The following GBE1 variants were observed in gnomAD, a reference collection of about 807,000 sequenced individuals.
GBE1 encodes the protein 1,4-alpha-glucan-branching enzyme.
A neutral mutation model predicts 88.8 loss-of-function variants in GBE1; 70 were observed. That is an observed-to-expected ratio of 0.79 (90% CI 0.65 to 0.96). GBE1 has a LOEUF of 0.96. Among genes scored for constraint, GBE1 ranks in the 40% least tolerant of loss-of-function variants. The pLI is 0.00. For synonymous variants in GBE1, 284 were observed against 300.1 expected (o/e 0.95, Z 0.56); for missense variants, 872 against 871.0 (o/e 1.00, Z -0.01).
intron 12 of GBE1, among the ~76,000 whole-genome samples, chr3:81,569,602 T>C (rs202224177): frequency 2.6e-3 from 398 of 152,282 alleles, no homozygotes; most frequent in Non-Finnish European, 4.6e-3. Flanking sequence ...ACCTGGGGAA[T>C]GTGCTTGTTA....
At chr3:81,569,497 T>C (rs952608777) in intron 12 of GBE1, among the ~76,000 whole-genome samples, 1 of 152,192 alleles carries the variant, frequency 6.6e-6, no homozygotes, top group Non-Finnish European at 1.5e-5. Context: ...CCTTGCCATT[T>C]AAGAGCTTGA....
At chr3:81,498,955 A>G (rs1189205773) in intron 15 of GBE1, among the ~76,000 whole-genome samples, 155 bp downstream of exon 15, 5 of 152,142 alleles carry the variant, frequency 3.3e-5, no homozygotes, top group African/African-American at 1.2e-4. Context: ...TACACACATT[A>G]CATCTGGCCA....
chr3:81,698,841 T>G (rs914932513), intron 2 of GBE1, among the ~76,000 whole-genome samples: 1 of 152,198 alleles, frequency 6.6e-6, no homozygotes, highest in Non-Finnish European at 1.5e-5. Context: ...AAACAGAGAT[T>G]GGTTAAGTAA....
chr3:81,703,515 A>C (rs900635652), intron 2 of GBE1, among the ~76,000 whole-genome samples: 1 of 152,034 alleles, frequency 6.6e-6, no homozygotes, highest in Admixed American at 6.6e-5. Context: ...TGCAACTTAG[A>C]AACTGAATTT....
chr3:81,710,126 C>T (rs1473184946), intron 1 of GBE1, among the ~76,000 whole-genome samples: 1 of 151,218 alleles, frequency 6.6e-6, no homozygotes, highest in East Asian at 2.0e-4. Context: ...GGACATCACA[C>T]ATCATTAATC....
intron 6 of GBE1, among the ~76,000 whole-genome samples, chr3:81,645,690 C>T (rs1704752932): frequency 6.6e-6 from 1 of 152,170 alleles, no homozygotes; most frequent in Non-Finnish European, 1.5e-5. Context: ...AACTCTTAGT[C>T]GTGTTTTAGA....
At chr3:81,751,331 G>A (rs1446538233) in intron 1 of GBE1, among the ~76,000 whole-genome samples, 2 of 152,148 alleles carry the variant, frequency 1.3e-5, no homozygotes, top group African/African-American at 4.8e-5. Flanking sequence ...TTCCTCTTTG[G>A]AGAAAGGAAA....
chr3:81,680,570 A>ATCC (rs1271084146), intron 2 of GBE1, among the ~76,000 whole-genome samples: 1 of 152,006 alleles, frequency 6.6e-6, no homozygotes, highest in Non-Finnish European at 1.5e-5. Flanking sequence ...AAAAATAAAC[A>ATCC]TTATTTAGGA....
intron 14 of GBE1, among the ~76,000 whole-genome samples, chr3:81,527,551 G>A (rs1702958955): frequency 6.6e-6 from 1 of 152,102 alleles, no homozygotes; most frequent in Non-Finnish European, 1.5e-5. Context: ...CAACAAATGG[G>A]CGAAGGATAT....
In GBE1 at chr3:81,536,868, C is replaced by G. The variant is rs370834417; in HGVS notation, c.1803+43G>C. ...ATTGGTTGCCATTCTAGGCATGTAC[C>G]TCATTGGTGACTAAAACACAGCATC... On this transcript the variant is annotated intron_variant, in intron 13 of 15. Transcript: ENST00000429644. 875 of 1,466,384 alleles carry G rather than the reference C, an allele frequency of 6.0e-4. 5 individuals are homozygous for G. The highest frequency in any genetic ancestry group is 4.4e-3 in the South Asian group (333 of 75,346). The allele number at this position is 1,466,384 out of a possible 1,614,324, so 90.8% of individuals were successfully genotyped here. A position where few individuals can be genotyped will look rare whatever the true frequency, so the allele number is the denominator to read the frequency against.
chr3:81,543,608 T>C (rs1327688291), intron 12 of GBE1, among the ~76,000 whole-genome samples: 1 of 152,000 alleles, frequency 6.6e-6, no homozygotes, highest in Non-Finnish European at 1.5e-5. Context: ...TTAAAACAAG[T>C]TAAGAATGTC....
At chr3:81,659,396 C>A (rs1704991170) in intron 3 of GBE1, among the ~76,000 whole-genome samples, 2 of 150,556 alleles carry the variant, frequency 1.3e-5, no homozygotes, top group African/African-American at 4.9e-5. Flanking sequence ...AGTGCAGTGG[C>A]GTGATCTCGC....
intron 1 of GBE1, among the ~76,000 whole-genome samples, chr3:81,719,530 T>C (rs139124394): frequency 9.2e-5 from 14 of 152,314 alleles, no homozygotes; most frequent in African/African-American, 3.1e-4. Flanking sequence ...TTTTATTTTA[T>C]ACAGTCAACA....
rs557645722 is a variant in GBE1, at chr3:81,705,218, T to A, written c.313+226A>T. Among the ~76,000 whole-genome samples, 5 of 152,222 alleles carry A rather than the reference T, an allele frequency of 3.3e-5. No individual in the cohort carries two copies. The South Asian group carries it at 1.0e-3, about 32-fold the overall frequency. Reference sequence around the variant, plus strand: ...CATAAACCTTGTTATTTCTAGTACATGATTTTACAGAACATAAAGTCTTTC... The same window carrying A: ...CATAAACCTTGTTATTTCTAGTACAAGATTTTACAGAACATAAAGTCTTTC... On this transcript the variant is annotated intron_variant, in intron 2 of 15. Coordinates refer to ENST00000429644, the MANE Select transcript of GBE1 (RefSeq NM_000158.4).
intron 3 of GBE1, among the ~76,000 whole-genome samples, chr3:81,670,442 T>C (rs1307307982): frequency 6.6e-6 from 1 of 152,142 alleles, no homozygotes; most frequent in African/African-American, 2.4e-5. Flanking sequence ...CAGCATCCCC[T>C]CCCACATCAA....
intron 7 of GBE1, among the ~76,000 whole-genome samples, chr3:81,604,106 G>T (rs1341657187): frequency 6.6e-6 from 1 of 151,960 alleles, no homozygotes; most frequent in South Asian, 2.1e-4. Flanking sequence ...AGACAAACTG[G>T]TTCATGCAAG....
chr3:81,499,850 CATT>C (rs960298171), intron 14 of GBE1, among the ~76,000 whole-genome samples: 14 of 152,094 alleles, frequency 9.2e-5, no homozygotes, highest in Non-Finnish European at 2.1e-4. Flanking sequence ...TAAAAGCTAT[CATT>C]ATGTTCAAAT....
chr3:81,711,935 C>T (rs1244183528), intron 1 of GBE1, among the ~76,000 whole-genome samples: 4 of 152,010 alleles, frequency 2.6e-5, no homozygotes, highest in Admixed American at 6.6e-5. Context: ...CCAGAATCTA[C>T]AAAGAACTCA....
At chr3:81,570,632 G>A (rs1228696789) in intron 12 of GBE1, among the ~76,000 whole-genome samples, 2 of 152,178 alleles carry the variant, frequency 1.3e-5, no homozygotes, top group African/African-American at 2.4e-5. Context: ...TAGTACTCAA[G>A]AAGTAGGAAG....
Sources: allele counts gnomAD v4.1 joint callset (sites outside exome capture counted in the v4.1 genomes callset), GRCh38; gene constraint gnomAD v4.1.1; transcripts MANE v1.5; gene names NCBI Gene and HGNC (gene_info 2026-07-23, HGNC 2026-07-21).